Variants in GORASP2 observed in about 807,000 individuals in gnomAD.
The protein encoded by GORASP2 is Golgi reassembly-stacking protein 2.
GORASP2 carries 22 observed loss-of-function variants against 45.7 expected under a neutral mutation model. That is an observed-to-expected ratio of 0.48 (90% CI 0.34 to 0.69). GORASP2 has a LOEUF of 0.69. Among genes scored for constraint, GORASP2 ranks in the 30% least tolerant of loss-of-function variants. The pLI is 0.01. For missense variants in GORASP2, 491 were observed against 562.7 expected (o/e 0.87, Z 1.29); for synonymous variants, 221 against 215.6 (o/e 1.02, Z -0.22).
rs989219572 is a variant in GORASP2 at position 170,932,582 on chromosome 2, A to C, written c.63+3179A>C. ...ATGGTAGCTGTCTGTAGAAATGTTG[A>C]TCTTTATTTTAGTAAATAACTACAT... On this transcript the variant is annotated intron_variant, in intron 1 of 9. Coordinates refer to ENST00000234160, the MANE Select transcript of GORASP2 (RefSeq NM_015530.5). Among the ~76,000 whole-genome samples, 4 of 152,186 alleles carry C rather than the reference A, an allele frequency of 2.6e-5. No individual in the cohort carries two copies. In the East Asian group the frequency reaches 7.7e-4, roughly 29 times the overall value.
In GORASP2 at chr2:170,966,015, C is replaced by T. The variant is rs116256976; in HGVS notation, c.1244C>T (p.Thr415Met). The T allele has an allele frequency of 1.5e-3, 2,392 of 1,613,618 alleles. 34 individuals are homozygous for T. In the African/African-American group the frequency reaches 0.028, roughly 19 times the overall value. The change falls in exon 10 of 10, where the codon ACG becomes ATG. Residue 415 changes from threonine to methionine, a missense_variant. Physicochemically the swap from Thr to Met is moderately conservative, Grantham distance 81 (BLOSUM62 -1). Coordinates refer to ENST00000234160, the MANE Select transcript of GORASP2 (RefSeq NM_015530.5). Reference sequence around the variant, plus strand: ...GCCTCCTCACTCACTGTGGATGTGACGCCCCCCACTGCCAAGGCCCCCACC... The same window carrying T: ...GCCTCCTCACTCACTGTGGATGTGATGCCCCCCACTGCCAAGGCCCCCACC... Reference protein sequence around the residue: ...DAASSLTVDVTPPTAKAPTTV... With the variant: ...DAASSLTVDVMPPTAKAPTTV...
At chr2:170,947,349 C>T (rs577411373) in intron 1 of GORASP2, among the ~76,000 whole-genome samples, 1 of 152,310 alleles carries the variant, frequency 6.6e-6, no homozygotes, top group South Asian at 2.1e-4. Context: ...ACTCCTGCTT[C>T]GGGTGTTTAC....
At chr2:170,941,945 T>A (rs1037361354) in intron 1 of GORASP2, among the ~76,000 whole-genome samples, 3 of 152,216 alleles carry the variant, frequency 2.0e-5, no homozygotes, top group Non-Finnish European at 4.4e-5. Context: ...AGTCATTTAC[T>A]AGTTTGCATT....
intron 7 of GORASP2, among the ~76,000 whole-genome samples, chr2:170,959,091 G>T (rs1356752508): frequency 6.6e-6 from 1 of 151,972 alleles, no homozygotes; most frequent in Non-Finnish European, 1.5e-5. Flanking sequence ...CTCCCGAGTA[G>T]CTGGGACTAC....
In GORASP2 at chr2:170,940,609, A is replaced by C. The variant is rs114940027; in HGVS notation, c.64-7741A>C. 6.7e-3 allele frequency among the ~76,000 whole-genome samples: 1,021 copies of C among 152,250 alleles called. 7 individuals are homozygous for C. Among genetic ancestry groups the C allele is most frequent in the African/African-American group, 0.021 (853 of 41,536 alleles). ...GTAAAACTTTTAATGATACGGGATC[A>C]GAAGTGGAGGGAAAAGTCAAGAAGT... On this transcript the variant is annotated intron_variant, in intron 1 of 9. Coordinates refer to ENST00000234160, the MANE Select transcript of GORASP2 (RefSeq NM_015530.5).
chr2:170,957,130 C>T (rs1395154943), intron 7 of GORASP2, among the ~76,000 whole-genome samples: 1 of 152,168 alleles, frequency 6.6e-6, no homozygotes, highest in Non-Finnish European at 1.5e-5. Context: ...AAAGCCAGGA[C>T]TCTGAGTTGA....
At chr2:170,937,707 C>T (rs1433665515) in intron 1 of GORASP2, among the ~76,000 whole-genome samples, 3 of 151,600 alleles carry the variant, frequency 2.0e-5, no homozygotes, top group African/African-American at 7.3e-5. Context: ...GCACCTGGTA[C>T]AGTGACTGTC....
intron 5 of GORASP2, 70 bp from the exon 6 acceptor site, chr2:170,954,580 C>T (rs1051640039): frequency 7.3e-7 from 1 of 1,373,856 alleles, no homozygotes; most frequent in Non-Finnish European, 1.0e-6. Context: ...CCCGCCCCCC[C>T]CAAAAAAAAC....
intron 5 of GORASP2, among the ~76,000 whole-genome samples, chr2:170,952,304 T>C (rs767898999): frequency 6.6e-6 from 1 of 152,212 alleles, no homozygotes; most frequent in South Asian, 2.1e-4. Context: ...TAAATTTGGC[T>C]ACATTCTTTG....
chr2:170,961,013 G>A (rs1045770546), intron 7 of GORASP2, among the ~76,000 whole-genome samples: 2 of 152,178 alleles, frequency 1.3e-5, no homozygotes, highest in Non-Finnish European at 2.9e-5. Context: ...GGTGGTAAAC[G>A]TGATTAGGTG....
intron 1 of GORASP2, among the ~76,000 whole-genome samples, chr2:170,932,602 C>T (rs978672346): frequency 6.6e-6 from 1 of 152,176 alleles, no homozygotes; most frequent in African/African-American, 2.4e-5. Flanking sequence ...TAGTAAATAA[C>T]TACATTGTTT....
chr2:170,954,565 G>A (rs1367027696), intron 5 of GORASP2, 85 bp from the exon 6 acceptor site: 1 of 1,119,214 alleles, frequency 8.9e-7, no homozygotes, highest in Non-Finnish European at 1.3e-6. Flanking sequence ...TATGCTCTTG[G>A]GTTACCCGCC....
Position 170,941,898 on chromosome 2 carries a change from AAGG to A in GORASP2, c.64-6451_64-6449del, listed in dbSNP as rs2105315943. Reference sequence around the variant, plus strand: ...ACCCAAGGTTGGAATATACGGTCAAAAGGTGTGCATATTTTCAATATTAATAGA... The same window carrying A: ...ACCCAAGGTTGGAATATACGGTCAAATGTGCATATTTTCAATATTAATAGA... On this transcript the variant is annotated intron_variant, in intron 1 of 9. Transcript: ENST00000234160. 2.0e-5 allele frequency among the ~76,000 whole-genome samples: 3 copies of A among 152,278 alleles called. No homozygotes were observed. The South Asian group carries it at 6.2e-4, about 32-fold the overall frequency.
rs759358504 is a variant in GORASP2 at position 170,966,157 on chromosome 2, T to C, written c.*27T>C. ...TTTGAACCATTCTTTGGAATTGGCG[T>C]GGTATATTTAACCACGGGAGCGTGT... On this transcript the variant is annotated 3_prime_UTR_variant, in exon 10 of 10. Transcript: ENST00000234160. 2 of 1,538,016 alleles carry C rather than the reference T, an allele frequency of 1.3e-6. No homozygotes were observed. Among genetic ancestry groups the C allele is most frequent in the South Asian group, 2.2e-5 (2 of 89,490 alleles).
chr2:170,964,087 A>T (rs953526294), intron 9 of GORASP2, among the ~76,000 whole-genome samples: 1 of 152,264 alleles, frequency 6.6e-6, no homozygotes, highest in Admixed American at 6.5e-5. Context: ...AAGTGTCTGC[A>T]CTCAGATTTT....
intron 7 of GORASP2, among the ~76,000 whole-genome samples, chr2:170,959,109 C>T (rs778316200): frequency 4.6e-5 from 7 of 151,338 alleles, no homozygotes; most frequent in African/African-American, 7.3e-5. Context: ...TACAGGCGCA[C>T]GCCACCATGC....
chr2:170,948,253 CA>C, intron 1 of GORASP2, 96 bp from the exon 2 acceptor site: 7 of 730,124 alleles, frequency 9.6e-6, no homozygotes, highest in Non-Finnish European at 1.7e-5. Context: ...ATTTCATTAT[CA>C]GTGAAATTGG....
chr2:170,937,636 A>G (rs1433488893), intron 1 of GORASP2, among the ~76,000 whole-genome samples: 1 of 152,128 alleles, frequency 6.6e-6, no homozygotes, highest in Non-Finnish European at 1.5e-5. Context: ...AGAGCTTGAG[A>G]AAGAAAAAGA....
intron 1 of GORASP2, among the ~76,000 whole-genome samples, chr2:170,939,301 T>C (rs1053615247): frequency 5.9e-5 from 9 of 152,220 alleles, no homozygotes; most frequent in Non-Finnish European, 1.0e-4. Flanking sequence ...CAGGAGAACA[T>C]GTACTTTGCT....
Sources: gnomAD v4.1 joint callset for allele counts (sites outside exome capture counted in the v4.1 genomes callset) on GRCh38, gnomAD v4.1.1 for gene constraint, MANE v1.5 for transcripts, NCBI Gene and HGNC (gene_info 2026-07-23, HGNC 2026-07-21) for gene names.